The following MPPED1 variants were observed in gnomAD, a reference collection of about 807,000 sequenced individuals.
MPPED1 encodes the protein metallophosphoesterase domain containing 1, also known as metallophosphoesterase domain-containing protein 1.
In MPPED1, 16 loss-of-function variants were observed where a neutral mutation model predicts 36.2. The observed-to-expected ratio is 0.44, with a 90% confidence interval of 0.30 to 0.67. The LOEUF is 0.67. Among genes scored for constraint, MPPED1 ranks in the 30% least tolerant of loss-of-function variants. The probability of loss-of-function intolerance (pLI) is 0.10; values close to 1 mark genes in which losing one functional copy is unlikely to be tolerated. For synonymous variants in MPPED1, 199 were observed against 191.3 expected, an observed-to-expected ratio of 1.04 and a Z score of -0.33; for missense variants, 307 against 453.4, an observed-to-expected ratio of 0.68 and a Z score of 2.93.
intron 4 of MPPED1, among the ~76,000 whole-genome samples, chr22:43,491,422 AGAT>A (rs776067182): frequency 7.4e-4 from 109 of 146,730 alleles, no homozygotes; most frequent in Non-Finnish European, 1.2e-3. Context: ...GAGGTGATGG[AGAT>A]GATGGTGGTG....
At chr22:43,432,369 GAGAGAAAGGGAGGA>G (rs149556525) in intron 2 of MPPED1, among the ~76,000 whole-genome samples, 4,231 of 135,796 alleles carry the variant, frequency 0.031, 183 homozygotes, top group African/African-American at 0.091. Flanking sequence ...GAGAAAGGGA[GAGAGAAAGGGAGGA>G]GAGAGAGAGA....
chr22:43,475,876 ATGATGGTGATGATGGTGGTTATGC>A (rs1203479182), intron 4 of MPPED1, among the ~76,000 whole-genome samples: 1 of 108,900 alleles, frequency 9.2e-6, no homozygotes, highest in Non-Finnish European at 1.9e-5. Context: ...GATGCTGCTG[ATGATGGTGATGATGGTGGTTATGC>A]TGATGGTGAT....
rs370928359 is a variant in MPPED1 at position 43,505,663 on chromosome 22, G to A, written c.*47G>A. On this transcript the variant is annotated 3_prime_UTR_variant, in exon 7 of 7. Coordinates refer to ENST00000443721, the MANE Select transcript of MPPED1 (RefSeq NM_001044370.2). ...CTGCCCGCCCGTGTCAGCTCCACAGGCCTGGCCCGGCCACTGTTCCTTCCA... is the reference window on the plus strand; with the variant it reads ...CTGCCCGCCCGTGTCAGCTCCACAGACCTGGCCCGGCCACTGTTCCTTCCA... 6.6e-7 allele frequency: 1 copy of A among 1,506,446 alleles called. No homozygotes were observed. The highest frequency in any genetic ancestry group is 1.2e-5 in the South Asian group (1 of 82,448). The allele number at this position is 1,506,446 out of a possible 1,614,324, so 93.3% of individuals were successfully genotyped here. A position where few individuals can be genotyped will look rare whatever the true frequency, so the allele number is the denominator to read the frequency against.
intron 4 of MPPED1, among the ~76,000 whole-genome samples, chr22:43,478,445 C>T (rs1325236097): frequency 1.3e-5 from 2 of 152,178 alleles, no homozygotes; most frequent in African/African-American, 4.8e-5. Context: ...AGACAGTCAA[C>T]AACCAATTCC....
intron 4 of MPPED1, among the ~76,000 whole-genome samples, chr22:43,479,666 AT>A (rs2146891463): frequency 6.6e-6 from 1 of 152,276 alleles, no homozygotes; most frequent in African/African-American, 2.4e-5. Flanking sequence ...GTGGCTGGAA[AT>A]TCCCCCTTAA....
intron 6 of MPPED1, among the ~76,000 whole-genome samples, chr22:43,504,863 ATGATGG>A (rs992943758): frequency 2.0e-5 from 3 of 148,616 alleles, no homozygotes; most frequent in South Asian, 2.2e-4. Flanking sequence ...GAAGATGATG[ATGATGG>A]TGGTGGTGGT....
chr22:43,466,711 AG>A (rs1350687509), intron 3 of MPPED1, among the ~76,000 whole-genome samples: 1 of 152,162 alleles, frequency 6.6e-6, no homozygotes, highest in African/African-American at 2.4e-5. Context: ...TGATCACCCC[AG>A]GGGCAGTGCC....
At chr22:43,493,654 T>C (rs1932170696) in intron 4 of MPPED1, among the ~76,000 whole-genome samples, 1 of 152,218 alleles carries the variant, frequency 6.6e-6, no homozygotes, top group Non-Finnish European at 1.5e-5. Context: ...CACGGGGTTC[T>C]TGTAACAGCT....
At chr22:43,482,830 C>G (rs542135986) in intron 4 of MPPED1, among the ~76,000 whole-genome samples, 1 of 152,238 alleles carries the variant, frequency 6.6e-6, no homozygotes, top group Non-Finnish European at 1.5e-5. Context: ...CCTTTGACGT[C>G]CGTTCCTTCC....
chr22:43,428,028 G>A (rs1929541677), intron 2 of MPPED1, among the ~76,000 whole-genome samples: 1 of 152,202 alleles, frequency 6.6e-6, no homozygotes, highest in Non-Finnish European at 1.5e-5. Context: ...TTCAGCATTG[G>A]TAGCACATGC....
chr22:43,439,850 C>T (rs777657257), intron 3 of MPPED1, among the ~76,000 whole-genome samples: 4 of 152,234 alleles, frequency 2.6e-5, no homozygotes, highest in Non-Finnish European at 4.4e-5. Flanking sequence ...ATAAGCTCCC[C>T]TCCCTGGTCC....
intron 3 of MPPED1, among the ~76,000 whole-genome samples, chr22:43,441,647 TG>T (rs1245163668): frequency 1.6e-4 from 25 of 152,220 alleles, no homozygotes; most frequent in Non-Finnish European, 2.9e-5. Flanking sequence ...TAATTAAGTT[TG>T]CACTGGCGCC....
intron 2 of MPPED1, among the ~76,000 whole-genome samples, chr22:43,427,198 GCA>G (rs954585347): frequency 3.3e-5 from 5 of 152,334 alleles, no homozygotes; most frequent in African/African-American, 1.2e-4. Context: ...CCTGGGCCAG[GCA>G]CACACTTAGG....
chr22:43,491,994 G>T (rs1932119534), intron 4 of MPPED1, among the ~76,000 whole-genome samples: 1 of 151,172 alleles, frequency 6.6e-6, no homozygotes, highest in Admixed American at 6.6e-5. Flanking sequence ...GCTGGTGATG[G>T]AGGTGGTGGT....
intron 1 of MPPED1, chr22:43,417,022 G>A: frequency 2.0e-6 from 2 of 985,238 alleles, no homozygotes; most frequent in South Asian, 4.7e-5. Context: ...CCAGTAAGTA[G>A]CACTCTTCAT....
At chr22:43,470,362 T>C (rs75140352) in intron 3 of MPPED1, among the ~76,000 whole-genome samples, 8,646 of 151,912 alleles carry the variant, frequency 0.057, 476 homozygotes, top group African/African-American at 0.14. Context: ...TCTATATATC[T>C]ATCCATCTAC....
intron 3 of MPPED1, among the ~76,000 whole-genome samples, chr22:43,470,162 C>T (rs1337603366): frequency 2.6e-5 from 4 of 151,906 alleles, no homozygotes; most frequent in African/African-American, 9.7e-5. Context: ...ATCTATATAT[C>T]CATACATATA....
chr22:43,495,308 G>A (rs1403431468), intron 4 of MPPED1, among the ~76,000 whole-genome samples: 7 of 147,402 alleles, frequency 4.7e-5, no homozygotes, highest in African/African-American at 1.8e-4. Flanking sequence ...GGTGATGGTG[G>A]TGATGGTGGT....
At chr22:43,482,254 C>T (rs1390493034) in intron 4 of MPPED1, among the ~76,000 whole-genome samples, 12 of 152,232 alleles carry the variant, frequency 7.9e-5, no homozygotes, top group Admixed American at 5.9e-4. Flanking sequence ...TGGCACGCAG[C>T]GAGTCCATCT....
Sources: allele counts gnomAD v4.1 joint callset (sites outside exome capture counted in the v4.1 genomes callset), GRCh38; gene constraint gnomAD v4.1.1; transcripts MANE v1.5; gene names NCBI Gene and HGNC (gene_info 2026-07-23, HGNC 2026-07-21).